Variants in MAP7D3 observed in about 807,000 individuals in gnomAD.
MAP7D3 encodes MAP7 domain containing 3.
Under a neutral mutation model 62.2 loss-of-function variants are expected in MAP7D3, and 45 were observed. The observed-to-expected ratio is 0.72, with a 90% CI of 0.57 to 0.93. The LOEUF (loss-of-function observed/expected upper bound fraction) is 0.93, where lower values mean the gene tolerates loss of function less well. MAP7D3 is among the 40% of genes least tolerant of loss of function. The pLI, the probability that MAP7D3 is intolerant of heterozygous loss-of-function variation, is 0.00. For synonymous variants in MAP7D3, 288 were observed against 248.8 expected (o/e 1.16, Z -1.48); for missense variants, 711 against 683.1 (o/e 1.04, Z -0.45).
chrX:136,232,199 A>T lies in MAP7D3; in HGVS notation c.758T>A (p.Val253Glu). The T allele has an allele frequency of 8.3e-7, 1 of 1,199,632 alleles. No individual in the cohort carries two copies. The highest frequency in any genetic ancestry group is 1.1e-6 in the Non-Finnish European group (1 of 886,218). Residue 253 changes from valine to glutamate, a missense_variant, in exon 8 of 19, where the codon GTA becomes GAA. Coordinates refer to ENST00000316077, the MANE Select transcript of MAP7D3 (RefSeq NM_024597.4). ...KPRVTGVTNYVMQYVTVPLRK... is the reference protein window; with the variant it reads ...KPRVTGVTNYEMQYVTVPLRK... ...CAAGGGTACAGTGACATACTGCATT[A>T]CATAATTGGTGACGCCTGTAACTGA...
intron 4 of MAP7D3, among the ~76,000 whole-genome samples, chrX:136,242,259 T>G (rs376517294): frequency 8.9e-6 from 1 of 112,356 alleles, no homozygotes; most frequent in Non-Finnish European, 1.9e-5. Flanking sequence ...GAAACTATAA[T>G]AGACTAAAAA....
intron 1 of MAP7D3, among the ~76,000 whole-genome samples, chrX:136,246,907 T>A (rs1282152054): frequency 8.9e-6 from 1 of 112,040 alleles, no homozygotes; most frequent in Non-Finnish European, 1.9e-5. Flanking sequence ...ATCACCTAAC[T>A]CACTTTTAGA....
At chrX:136,252,484 C>T (rs1304734201), upstream of MAP7D3, among the ~76,000 whole-genome samples, 3 of 104,305 alleles carry the variant, frequency 2.9e-5, no homozygotes, top group East Asian at 3.0e-4. Flanking sequence ...CGAGACTAGC[C>T]TGGCCAACAT....
In MAP7D3 at chrX:136,224,877, T is replaced by C. The variant is rs201140656; in HGVS notation, c.2143A>G (p.Ile715Val). The stretch of plus-strand genomic sequence containing the variant: ...CTTGTCCGCTTCATAATTTCTTCTA[T>C]TCTCTATTTAAAGGAAAATAAAAAT... ...LQERLERKKR[I>V]EEIMKRTRKT... Residue 715 changes from isoleucine to valine, a missense_variant, in exon 14 of 19, where the codon ATA becomes GTA. By Grantham distance (29) the Ile-to-Val change is conservative. Coordinates refer to ENST00000316077, the MANE Select transcript of MAP7D3 (RefSeq NM_024597.4). 5.2e-5 allele frequency: 59 copies of C among 1,143,492 alleles called. No individual in the cohort carries two copies. The highest frequency in any genetic ancestry group is 6.8e-5 in the Non-Finnish European group (57 of 835,327). The allele number at this position is 1,143,492 out of a possible 1,213,427, so 94.2% of individuals were successfully genotyped here.
chrX:136,253,431 A>G (rs1456611384), upstream of MAP7D3, among the ~76,000 whole-genome samples: 1 of 112,445 alleles, frequency 8.9e-6, no homozygotes, highest in East Asian at 2.8e-4. Context: ...TAGTCCACAA[A>G]ATAACTGGCC....
intron 10 of MAP7D3, among the ~76,000 whole-genome samples, chrX:136,229,945 AT>A (rs1171133598): frequency 3.0e-3 from 205 of 68,159 alleles, no homozygotes; most frequent in Middle Eastern, 8.0e-3. Flanking sequence ...CATCGGGCTA[AT>A]TTTTTTTTTT....
At chrX:136,238,464 T>G (rs1004743878) in intron 6 of MAP7D3, among the ~76,000 whole-genome samples, 1 of 112,409 alleles carries the variant, frequency 8.9e-6, no homozygotes, top group East Asian at 2.8e-4. Flanking sequence ...TACATAAACA[T>G]GGCATTGCAA....
At chrX:136,256,383 C>T, upstream of MAP7D3, 2 of 1,097,999 alleles carry the variant, frequency 1.8e-6, no homozygotes, top group Non-Finnish European at 2.4e-6. Context: ...TGCTCCCCCA[C>T]CAACAACTGA....
intron 6 of MAP7D3, among the ~76,000 whole-genome samples, chrX:136,237,905 G>A (rs777238017): frequency 9.5e-6 from 1 of 104,769 alleles, no homozygotes; most frequent in African/African-American, 3.5e-5. Context: ...GCCCCGGTGT[G>A]TGATGTTCCC....
At chrX:136,219,054 T>C (rs956268514) in intron 18 of MAP7D3, among the ~76,000 whole-genome samples, 5 of 112,108 alleles carry the variant, frequency 4.5e-5, no homozygotes, top group Middle Eastern at 4.6e-3. Flanking sequence ...TTTCACCATG[T>C]TGGCCAGGCT....
intron 2 of MAP7D3, 29 bp downstream of exon 2, chrX:136,246,214 C>T (rs2074447191): frequency 8.9e-7 from 1 of 1,122,047 alleles, no homozygotes; most frequent in Non-Finnish European, 1.2e-6. Context: ...GACACTTTGA[C>T]ATCTATCAAA....
rs751289402 is a variant in MAP7D3, at chrX:136,228,665, T to C, written c.1844A>G (p.Glu615Gly). The change falls in exon 11 of 19, where the codon GAA (glutamate) becomes GGA (glycine). Residue 615 changes from glutamate (E) to glycine (G), a missense_variant. Coordinates refer to ENST00000316077, the MANE Select transcript of MAP7D3 (RefSeq NM_024597.4). ...CCGTTGTCTTTCTTCTTCCTCTTTT[T>C]CTCTTTGTTCACGAGCAAGGCGGCG... ...ELRRLAREQR[E>G]KEEEERQREE... 12 of 1,207,700 alleles carry C rather than the reference T, an allele frequency of 9.9e-6. No individual in the cohort carries two copies. In the South Asian group the frequency reaches 2.0e-4, roughly 20 times the overall value.
Position 136,230,497 on chromosome X carries a change from T to C in MAP7D3, c.1638A>G (p.Gln546=). 1 of 1,185,756 alleles carries C rather than the reference T, an allele frequency of 8.4e-7. No individual in the cohort carries two copies. Residue 546 remains glutamine, a synonymous_variant, in exon 10 of 19, where the codon CAA becomes CAG. Transcript: ENST00000316077. ...TSFPYKIMPI[Q]HTLSVQSASS... ...ATGCACTTTGCACAGACAGGGTGTGTTGAATAGGCATTATTTTATAAGGAA... is the reference window on the plus strand; with the variant it reads ...ATGCACTTTGCACAGACAGGGTGTGCTGAATAGGCATTATTTTATAAGGAA...
At chrX:136,221,074 AG>A (rs2074121531) in intron 15 of MAP7D3, 111 bp from the exon 16 acceptor site, 3 of 567,220 alleles carry the variant, frequency 5.3e-6, no homozygotes, top group Non-Finnish European at 8.8e-6. Context: ...GCCTGAAGGC[AG>A]GAAGAGTCAA....
intron 1 of MAP7D3, among the ~76,000 whole-genome samples, chrX:136,248,688 A>G (rs1305627834): frequency 1.8e-5 from 2 of 112,453 alleles, no homozygotes; most frequent in South Asian, 3.7e-4. Context: ...AAAAACTTCC[A>G]TAACACATAT....
chrX:136,230,956 A>G lies in MAP7D3; in HGVS notation c.1424T>C (p.Met475Thr). The change falls in exon 9 of 19, where the codon ATG becomes ACG. Residue 475 changes from methionine to threonine, a missense_variant. Transcript: ENST00000316077. ...KARDAPKKSE[M>T]DKQALIPIAK... ...AATAGGGATTAAGGCCTGTTTGTCCATTTCTGATTTCTGAACAGATAAACA... is the reference window on the plus strand; with the variant it reads ...AATAGGGATTAAGGCCTGTTTGTCCGTTTCTGATTTCTGAACAGATAAACA... The G allele has an allele frequency of 8.4e-7, 1 of 1,193,381 alleles. No homozygotes were observed. The highest frequency in any genetic ancestry group is 1.1e-6 in the Non-Finnish European group (1 of 881,520).
At position 136,231,701 on chromosome X, in the gene MAP7D3, T is replaced by C. The variant is rs981622355; in HGVS notation, c.1256A>G (p.Lys419Arg). 2 of 1,211,504 alleles carry C rather than the reference T, an allele frequency of 1.7e-6. No homozygotes were observed. The highest frequency in any genetic ancestry group is 3.5e-5 in the African/African-American group (2 of 57,737). Residue 419 changes from lysine to arginine, a missense_variant, in exon 8 of 19, where the codon AAG becomes AGG. Coordinates refer to ENST00000316077, the MANE Select transcript of MAP7D3 (RefSeq NM_024597.4). Reference protein sequence around the residue: ...APEGSLEAPPKGSAEVAPKES... With the variant: ...APEGSLEAPPRGSAEVAPKES... ...CTTGGGGGCTACTTCTGCGCTCCCC[T>C]TGGGAGGTGCTTCCAGGCTCCCCTC...
downstream of MAP7D3, chrX:136,213,527 GAATCCCATGTGGGAGACATA>G (rs2074043969): frequency 9.0e-6 from 1 of 110,929 alleles, no homozygotes; most frequent in African/African-American, 3.3e-5. Context: ...CTACTTTGCA[GAATCCCATGTGGGAGACATA>G]ATGCAGGTGC....
chrX:136,219,319 C>T (rs2074096040), intron 18 of MAP7D3, 79 bp downstream of exon 18: 1 of 549,779 alleles, frequency 1.8e-6, no homozygotes, highest in Non-Finnish European at 3.0e-6. Flanking sequence ...CAAAGACTGC[C>T]CTGGAATGGC....
Sources: gnomAD v4.1 joint callset for allele counts (sites outside exome capture counted in the v4.1 genomes callset) on GRCh38, gnomAD v4.1.1 for gene constraint, MANE v1.5 for transcripts, NCBI Gene and HGNC (gene_info 2026-07-23, HGNC 2026-07-21) for gene names.